Variants in MDFIC observed in about 807,000 individuals in gnomAD.
MDFIC encodes MyoD family inhibitor domain containing, also known as myoD family inhibitor domain-containing protein.
In MDFIC, 17 loss-of-function variants were observed where a neutral mutation model predicts 23.2. The observed-to-expected ratio is 0.73, with a 90% CI of 0.50 to 1.10. The LOEUF is 1.10. MDFIC is among the 50% of genes least tolerant of loss of function. The probability of loss-of-function intolerance (pLI) is 0.00; values close to 1 mark genes in which losing one functional copy is unlikely to be tolerated. For missense variants in MDFIC, 356 were observed against 316.6 expected, an observed-to-expected ratio of 1.12 and a Z score of -0.95; for synonymous variants, 120 against 115.2, an observed-to-expected ratio of 1.04 and a Z score of -0.27.
rs549131122 is a variant in MDFIC, at chr7:114,958,607, C to T, written c.217+16210C>T. 8.7e-4 allele frequency among the ~76,000 whole-genome samples: 133 copies of T among 152,094 alleles called. 1 individual carries two copies. In the Middle Eastern group the frequency reaches 0.02, roughly 23 times the overall value. On this transcript the variant is annotated intron_variant, in intron 3 of 4. Transcript: ENST00000393486. ...CTCTACTAATAATACAAAAATTAGCCGGGCGTGGTGGTGCATGCCTGTAAT... is the reference window on the plus strand; with the variant it reads ...CTCTACTAATAATACAAAAATTAGCTGGGCGTGGTGGTGCATGCCTGTAAT...
chr7:114,988,484 G>C (rs1200797306), intron 4 of MDFIC, among the ~76,000 whole-genome samples: 2 of 152,146 alleles, frequency 1.3e-5, no homozygotes, highest in Non-Finnish European at 2.9e-5. Flanking sequence ...TCAACCTCAA[G>C]AGCTCTGTCA....
chr7:114,970,481 C>T (rs756839408), intron 3 of MDFIC, among the ~76,000 whole-genome samples: 1 of 151,902 alleles, frequency 6.6e-6, no homozygotes, highest in Non-Finnish European at 1.5e-5. Flanking sequence ...GACTCTGGTC[C>T]CTTGCTTTAC....
chr7:114,981,882 C>T (rs1049335921), intron 4 of MDFIC, among the ~76,000 whole-genome samples: 1 of 152,154 alleles, frequency 6.6e-6, no homozygotes, highest in Non-Finnish European at 1.5e-5. Context: ...TGTTTATTCT[C>T]TGGCAATGTA....
intron 4 of MDFIC, among the ~76,000 whole-genome samples, chr7:115,008,753 G>C (rs897075722): frequency 6.6e-6 from 1 of 152,210 alleles, no homozygotes; most frequent in Non-Finnish European, 1.5e-5. Flanking sequence ...TTTTCACAGA[G>C]GCTAGATGCT....
At chr7:115,007,630 G>GTGTATATATATATA (rs369718965) in intron 4 of MDFIC, among the ~76,000 whole-genome samples, 16 of 132,928 alleles carry the variant, frequency 1.2e-4, no homozygotes, top group African/African-American at 4.9e-4. Flanking sequence ...GCGTGTGTGT[G>GTGTATATATATATA]TATATATATA....
intron 3 of MDFIC, among the ~76,000 whole-genome samples, chr7:114,966,530 G>A (rs767775333): frequency 6.6e-6 from 1 of 152,064 alleles, no homozygotes; most frequent in Non-Finnish European, 1.5e-5. Flanking sequence ...TGCACTTCGG[G>A]CTGATGAGTA....
At chr7:114,998,945 A>T (rs1323992970) in intron 4 of MDFIC, among the ~76,000 whole-genome samples, 1 of 152,212 alleles carries the variant, frequency 6.6e-6, no homozygotes, top group Non-Finnish European at 1.5e-5. Flanking sequence ...CTATCTTTGC[A>T]GATCAAGCCT....
Position 114,922,371 on chromosome 7 carries a change from C to T in MDFIC, c.-373C>T. ...GAGGCAGAGAGGGGGAAGGCCCCCTCGCAGGGGAGCCGGCTGGAGTGAGCT... is the reference window on the plus strand; with the variant it reads ...GAGGCAGAGAGGGGGAAGGCCCCCTTGCAGGGGAGCCGGCTGGAGTGAGCT... On this transcript the variant is annotated 5_prime_UTR_variant, in exon 1 of 5. Transcript: ENST00000393486. 5.7e-6 allele frequency: 7 copies of T among 1,229,236 alleles called. No homozygotes were observed. The highest frequency in any genetic ancestry group is 7.1e-6 in the Non-Finnish European group (7 of 983,958). The allele number at this position is 1,229,236 out of a possible 1,614,324, so 76.1% of individuals were successfully genotyped here.
intron 4 of MDFIC, among the ~76,000 whole-genome samples, chr7:114,999,963 T>C (rs1387287693): frequency 6.6e-6 from 1 of 152,196 alleles, no homozygotes; most frequent in Non-Finnish European, 1.5e-5. Context: ...AAGTATTATA[T>C]ATACTAATCA....
At chr7:115,000,439 G>A (rs1245355816) in intron 4 of MDFIC, among the ~76,000 whole-genome samples, 2 of 152,054 alleles carry the variant, frequency 1.3e-5, no homozygotes, top group East Asian at 1.9e-4. Flanking sequence ...TCTATGTTAT[G>A]GATTTAAAAA....
At chr7:115,002,440 A>C (rs1791483668) in intron 4 of MDFIC, among the ~76,000 whole-genome samples, 2 of 152,228 alleles carry the variant, frequency 1.3e-5, no homozygotes, top group Non-Finnish European at 2.9e-5. Context: ...AAATTCCTGC[A>C]ACAAATCATT....
At chr7:114,924,903 T>A (rs879010691) in intron 2 of MDFIC, among the ~76,000 whole-genome samples, 1 of 152,164 alleles carries the variant, frequency 6.6e-6, no homozygotes, top group Non-Finnish European at 1.5e-5. Context: ...TTGGTTTTAT[T>A]GATAAAGACA....
At chr7:115,014,578 G>A (rs1791755705) in intron 4 of MDFIC, 4 of 1,176,780 alleles carry the variant, frequency 3.4e-6, no homozygotes, top group African/African-American at 1.6e-5. Context: ...TGTAGGTTGT[G>A]GAATCTTCTT....
intron 2 of MDFIC, among the ~76,000 whole-genome samples, chr7:114,927,452 A>G (rs1188921017): frequency 4.0e-5 from 6 of 151,570 alleles, no homozygotes; most frequent in South Asian, 2.1e-4. Context: ...ATTTTTTGTC[A>G]TACGCTTCAA....
chr7:114,951,837 C>G (rs1223665853), intron 3 of MDFIC, among the ~76,000 whole-genome samples: 2 of 152,172 alleles, frequency 1.3e-5, no homozygotes, highest in African/African-American at 2.4e-5. Flanking sequence ...GGACATTCGG[C>G]TTCCTTCAGG....
chr7:115,005,510 C>T (rs1047840928), intron 4 of MDFIC, among the ~76,000 whole-genome samples: 2 of 152,280 alleles, frequency 1.3e-5, no homozygotes, highest in Non-Finnish European at 2.9e-5. Context: ...AGTAATAACT[C>T]AGTTGGGGAG....
chr7:115,007,543 T>G (rs1187514899), intron 4 of MDFIC, among the ~76,000 whole-genome samples: 1 of 150,218 alleles, frequency 6.7e-6, no homozygotes, highest in Non-Finnish European at 1.5e-5. Flanking sequence ...TAACTAAACT[T>G]TTACCCCTCT....
At chr7:114,966,970 A>AT (rs899342168) in intron 3 of MDFIC, among the ~76,000 whole-genome samples, 14 of 151,932 alleles carry the variant, frequency 9.2e-5, no homozygotes, top group East Asian at 5.8e-4. Flanking sequence ...GGCGTATTGG[A>AT]TTTTTTTTTA....
intron 4 of MDFIC, among the ~76,000 whole-genome samples, chr7:115,013,530 A>G (rs1314922287): frequency 6.6e-6 from 1 of 152,216 alleles, no homozygotes; most frequent in East Asian, 1.9e-4. Flanking sequence ...CTCAATCTTG[A>G]TATTTAAGCA....
Sources: allele counts gnomAD v4.1 joint callset (sites outside exome capture counted in the v4.1 genomes callset), GRCh38; gene constraint gnomAD v4.1.1; transcripts MANE v1.5; gene names NCBI Gene and HGNC (gene_info 2026-07-23, HGNC 2026-07-21).